Variants in PXYLP1 observed in about 807,000 individuals in gnomAD.
PXYLP1 encodes acid phosphatase-like 2.
PXYLP1 carries 17 observed loss-of-function variants against 37.9 expected under a neutral mutation model. The ratio of observed to expected loss-of-function variants is 0.45; its 90% CI spans 0.31 to 0.67. The LOEUF (loss-of-function observed/expected upper bound fraction) is 0.67, where lower values mean the gene tolerates loss of function less well. Ranked by LOEUF, PXYLP1 falls within the 30% of genes least tolerant of loss-of-function variation. PXYLP1 has a pLI of 0.07. For missense variants in PXYLP1, 511 were observed against 612.0 expected, an observed-to-expected ratio of 0.84 and a Z score of 1.74; for synonymous variants, 221 against 232.2, an observed-to-expected ratio of 0.95 and a Z score of 0.44.
chr3:141,276,644 G>A (rs114738963), intron 2 of PXYLP1, among the ~76,000 whole-genome samples: 242 of 152,268 alleles, frequency 1.6e-3, no homozygotes, highest in African/African-American at 5.5e-3. Context: ...CGTGGGCATC[G>A]CTATCTTTAT....
intron 4 of PXYLP1, among the ~76,000 whole-genome samples, chr3:141,286,624 AG>A (rs1433655147): frequency 6.6e-6 from 1 of 151,804 alleles, no homozygotes; most frequent in Non-Finnish European, 1.5e-5. Flanking sequence ...TAGGGTAGAG[AG>A]GGCCAGTGAG....
chr3:141,242,973 A>G (rs1940848175), intron 1 of PXYLP1, among the ~76,000 whole-genome samples: 1 of 152,198 alleles, frequency 6.6e-6, no homozygotes. Flanking sequence ...GAATGAATGA[A>G]TTACTACTTG....
At chr3:141,279,646 A>G in intron 4 of PXYLP1, 142 bp downstream of exon 4, 1 of 1,054,948 alleles carries the variant, frequency 9.5e-7, no homozygotes, top group Non-Finnish European at 1.4e-6. Context: ...GTGCCATTAT[A>G]CAGTTGAAAA....
chr3:141,264,050 G>A (rs1941453709), intron 2 of PXYLP1, among the ~76,000 whole-genome samples: 1 of 152,178 alleles, frequency 6.6e-6, no homozygotes, highest in African/African-American at 2.4e-5. Flanking sequence ...GGCCATGATG[G>A]GGTTAATTTA....
intron 1 of PXYLP1, among the ~76,000 whole-genome samples, chr3:141,252,637 A>G (rs992556592): frequency 6.6e-6 from 1 of 152,298 alleles, no homozygotes; most frequent in East Asian, 1.9e-4. Context: ...CCCCACCTAC[A>G]CTGGGGATTA....
intron 2 of PXYLP1, among the ~76,000 whole-genome samples, chr3:141,277,392 C>G (rs1941822413): frequency 6.6e-6 from 1 of 152,094 alleles, no homozygotes; most frequent in African/African-American, 2.4e-5. Context: ...GTTGGGAGTT[C>G]TAGAGGATCT....
Position 141,287,458 on chromosome 3 carries a change from G to T in PXYLP1, c.505+5G>T, listed in dbSNP as rs1942103907. 1 of 1,613,536 alleles carries T rather than the reference G, an allele frequency of 6.2e-7. No homozygotes were observed. Among genetic ancestry groups the T allele is most frequent in the East Asian group, 2.2e-5 (1 of 44,862 alleles). Reference sequence around the variant, plus strand: ...TGGGAGAGCTCACACAGACAGGTATGTGTGACCCCCATGCGCTCAGGGGTT... The same window carrying T: ...TGGGAGAGCTCACACAGACAGGTATTTGTGACCCCCATGCGCTCAGGGGTT... On this transcript the variant is annotated splice_donor_5th_base_variant and intron_variant, in intron 5 of 5. Coordinates refer to ENST00000286353, the MANE Select transcript of PXYLP1 (RefSeq NM_001037172.3).
At chr3:141,263,502 T>C (rs114777352) in intron 2 of PXYLP1, among the ~76,000 whole-genome samples, 1,754 of 152,280 alleles carry the variant, frequency 0.012, 34 homozygotes, top group African/African-American at 0.04. Flanking sequence ...AGTGGAAAAA[T>C]AACTTCAAAT....
At position 141,291,074 on chromosome 3, in the gene PXYLP1, G is replaced by A. The variant is rs145706783; in HGVS notation, c.506-1194G>A. On this transcript the variant is annotated intron_variant, in intron 5 of 5. Coordinates refer to ENST00000286353, the MANE Select transcript of PXYLP1 (RefSeq NM_001037172.3). ...TCTCAATACTCTTCATGCACAGTAG[G>A]ACCCAGACATCCTTTGTGGGTTTTG... is the stretch of plus-strand genomic sequence containing the variant. Among the ~76,000 whole-genome samples the A allele has an allele frequency of 2.4e-3, 373 of 152,252 alleles. 3 individuals carry two copies. Among genetic ancestry groups the A allele is most frequent in the Admixed American group, 0.015 (235 of 15,296 alleles).
At chr3:141,278,593 C>T in intron 3 of PXYLP1, 93 bp downstream of exon 3, 1 of 1,507,870 alleles carries the variant, frequency 6.6e-7, no homozygotes, top group South Asian at 1.3e-5. Context: ...ATGGCCAGGA[C>T]CCAAGTCCTG....
chr3:141,270,274 T>C (rs1941628170), intron 2 of PXYLP1, among the ~76,000 whole-genome samples: 1 of 152,252 alleles, frequency 6.6e-6, no homozygotes, highest in Non-Finnish European at 1.5e-5. Flanking sequence ...AACTGTTTGA[T>C]CAATCTCATT....
chr3:141,286,525 G>C (rs938557421), intron 4 of PXYLP1, among the ~76,000 whole-genome samples: 2 of 152,278 alleles, frequency 1.3e-5, no homozygotes, highest in African/African-American at 4.8e-5. Flanking sequence ...GGGATAGCTC[G>C]TGGGAAGTGG....
chr3:141,287,085 G>C (rs749276730), intron 4 of PXYLP1, among the ~76,000 whole-genome samples: 8 of 152,230 alleles, frequency 5.3e-5, no homozygotes, highest in Non-Finnish European at 8.8e-5. Flanking sequence ...CCACAGTACT[G>C]AGTTCAGCAG....
Position 141,276,946 on chromosome 3 carries a change from A to G in PXYLP1, c.80-1396A>G, listed in dbSNP as rs191522456. Among the ~76,000 whole-genome samples, 200 of 152,354 alleles carry G rather than the reference A, an allele frequency of 1.3e-3. 1 individual carries two copies. In the South Asian group the frequency reaches 0.024, roughly 18 times the overall value. On this transcript the variant is annotated intron_variant, in intron 2 of 5. Coordinates refer to ENST00000286353, the MANE Select transcript of PXYLP1 (RefSeq NM_001037172.3). ...AGTATCACACTGTTGTTTTATCTGT[A>G]TCTAATTATGAACAAACTTAAGCAT...
At chr3:141,236,011 G>C (rs77061181) in intron 1 of PXYLP1, among the ~76,000 whole-genome samples, 2,545 of 152,316 alleles carry the variant, frequency 0.017, 34 homozygotes, top group Non-Finnish European at 0.025. Flanking sequence ...GATTAAAAAG[G>C]CATGGAAGAA....
rs141057255 is a variant in PXYLP1 at position 141,252,277 on chromosome 3, A to G, written c.-53-7846A>G. Among the ~76,000 whole-genome samples, 14 of 152,280 alleles carry G rather than the reference A, an allele frequency of 9.2e-5. No individual in the cohort carries two copies. The East Asian group carries it at 1.9e-3, about 21-fold the overall frequency. ...GGATCAATCTGCAGCACTGATCAGC[A>G]CACCCCCTGTGTTAGTCCATTTTGT... On this transcript the variant is annotated intron_variant, in intron 1 of 5. Transcript: ENST00000286353.
chr3:141,243,310 TG>T lies in PXYLP1; in HGVS notation c.-54+11400del, dbSNP rs1221941375. On this transcript the variant is annotated intron_variant, in intron 1 of 5. Transcript: ENST00000286353. ...CTCAGAGGTGGGGTGATATGCAGGCTGTATCTATCAGCAGCTTGAGAGTGAC... is the reference window on the plus strand; with the variant it reads ...CTCAGAGGTGGGGTGATATGCAGGCTTATCTATCAGCAGCTTGAGAGTGAC... 2.6e-5 allele frequency among the ~76,000 whole-genome samples: 4 copies of T among 152,324 alleles called. No homozygotes were observed. The South Asian group carries it at 6.2e-4, about 24-fold the overall frequency.
At chr3:141,277,318 G>T (rs748132302) in intron 2 of PXYLP1, among the ~76,000 whole-genome samples, 1 of 152,196 alleles carries the variant, frequency 6.6e-6, no homozygotes, top group Non-Finnish European at 1.5e-5. Context: ...AAAAAGATCT[G>T]TGAGCACACT....
intron 1 of PXYLP1, among the ~76,000 whole-genome samples, 199 bp from the exon 2 acceptor site, chr3:141,259,924 A>G (rs1941349966): frequency 6.6e-6 from 1 of 152,142 alleles, no homozygotes; most frequent in Admixed American, 6.5e-5. Context: ...ACTTGAAGGG[A>G]GCATTCTCGC....
Sources: gnomAD v4.1 joint callset for allele counts (sites outside exome capture counted in the v4.1 genomes callset) on GRCh38, gnomAD v4.1.1 for gene constraint, MANE v1.5 for transcripts, NCBI Gene and HGNC (gene_info 2026-07-23, HGNC 2026-07-21) for gene names.